Variants in EFHD2 observed in about 807,000 individuals in gnomAD.
EFHD2 encodes the protein EF-hand domain-containing protein D2.
A neutral mutation model predicts 20.3 loss-of-function variants in EFHD2; 12 were observed. The ratio of observed to expected loss-of-function variants is 0.59; its 90% CI spans 0.38 to 0.96. The LOEUF is 0.96. EFHD2 is among the 40% of genes least tolerant of loss of function. The pLI, the probability that EFHD2 is intolerant of heterozygous loss-of-function variation, is 0.00. For synonymous variants in EFHD2, 131 were observed against 143.9 expected (o/e 0.91, Z 0.64); for missense variants, 250 against 334.3 (o/e 0.75, Z 1.97).
chr1:15,418,413 C>G (rs1160857332), intron 1 of EFHD2, among the ~76,000 whole-genome samples: 4 of 149,414 alleles, frequency 2.7e-5, no homozygotes, highest in Non-Finnish European at 5.9e-5. Flanking sequence ...TCACGCCATT[C>G]TCCTGCCTCA....
intron 1 of EFHD2, among the ~76,000 whole-genome samples, chr1:15,417,981 C>CTTT (rs57589251): frequency 2.8e-4 from 27 of 97,086 alleles, no homozygotes; most frequent in Non-Finnish European, 4.5e-4. Flanking sequence ...CTTTCTTTTT[C>CTTT]TTTTTTTTTT....
At chr1:15,417,754 G>T (rs1034078569) in intron 1 of EFHD2, among the ~76,000 whole-genome samples, 1 of 152,184 alleles carries the variant, frequency 6.6e-6, no homozygotes, top group Non-Finnish European at 1.5e-5. Context: ...GGGCTCCTGA[G>T]CCCATACCCA....
chr1:15,421,451 T>C (rs1273650010), intron 1 of EFHD2, among the ~76,000 whole-genome samples: 1 of 152,164 alleles, frequency 6.6e-6, no homozygotes, highest in East Asian at 1.9e-4. Context: ...GATGGACTCT[T>C]TGGCACCGCA....
intron 3 of EFHD2, 92 bp downstream of exon 3, chr1:15,427,376 T>C (rs1707890431): frequency 6.7e-7 from 1 of 1,502,206 alleles, no homozygotes; most frequent in East Asian, 2.5e-5. Flanking sequence ...CCGTCCCTGC[T>C]GAGGCTGCAG....
chr1:15,418,318 T>C (rs1707717817), intron 1 of EFHD2, among the ~76,000 whole-genome samples: 1 of 127,162 alleles, frequency 7.9e-6, no homozygotes, highest in Admixed American at 7.9e-5. Context: ...TTTTTTTTTT[T>C]TTTTTGAGAT....
In EFHD2 at chr1:15,428,855, G is replaced by A; in HGVS notation, c.*131G>A. The A allele has an allele frequency of 1.4e-6, 2 of 1,388,080 alleles. No homozygotes were observed. The highest frequency in any genetic ancestry group is 2.6e-4 in the Middle Eastern group (1 of 3,870). 86.0% of individuals were successfully genotyped at this position (1,388,080 alleles called of 1,614,324 possible). On this transcript the variant is annotated 3_prime_UTR_variant, in exon 4 of 4. Transcript: ENST00000375980. ...TAAAAACCTAAAAATATCTGTGAAT[G>A]GAGCAAGTTCAGGGGTCTTATGGAG...
At chr1:15,427,565 G>A (rs992117203) in intron 3 of EFHD2, among the ~76,000 whole-genome samples, 9 of 152,230 alleles carry the variant, frequency 5.9e-5, no homozygotes, top group African/African-American at 2.2e-4. Flanking sequence ...ACACAGAGCT[G>A]CTAACACAGA....
chr1:15,417,884 C>A (rs77163472), intron 1 of EFHD2, among the ~76,000 whole-genome samples: 4,259 of 152,102 alleles, frequency 0.028, 176 homozygotes, highest in African/African-American at 0.092. Context: ...CCCACCTTCC[C>A]GTGTGCAGTT....
intron 1 of EFHD2, among the ~76,000 whole-genome samples, chr1:15,420,204 T>C (rs537141554): frequency 1.3e-5 from 2 of 152,224 alleles, no homozygotes; most frequent in Non-Finnish European, 2.9e-5. Flanking sequence ...ATATGTGAAG[T>C]ATATGATGTG....
intron 3 of EFHD2, 40 bp downstream of exon 3, chr1:15,427,324 CA>C (rs1707889546): frequency 1.3e-6 from 2 of 1,581,254 alleles, no homozygotes; most frequent in South Asian, 2.3e-5. Context: ...CGCTCCAGGA[CA>C]AGGGGACCCT....
At chr1:15,415,203 C>T (rs1466796827) in intron 1 of EFHD2, among the ~76,000 whole-genome samples, 3 of 152,112 alleles carry the variant, frequency 2.0e-5, no homozygotes, top group Admixed American at 6.5e-5. Flanking sequence ...AGGCTTATAG[C>T]CTTATATAGA....
intron 1 of EFHD2, among the ~76,000 whole-genome samples, chr1:15,411,082 G>A (rs1044022078): frequency 1.8e-4 from 28 of 151,838 alleles, no homozygotes; most frequent in Admixed American, 9.8e-4. Context: ...AGTCCCCTCC[G>A]GGTTTGGAAG....
chr1:15,419,968 G>C (rs1707760369), intron 1 of EFHD2, among the ~76,000 whole-genome samples: 1 of 152,158 alleles, frequency 6.6e-6, no homozygotes, highest in African/African-American at 2.4e-5. Context: ...CTACCTCCCA[G>C]AGATGCTGGG....
intron 1 of EFHD2, among the ~76,000 whole-genome samples, chr1:15,417,941 C>T (rs898605482): frequency 1.3e-5 from 2 of 150,282 alleles, no homozygotes; most frequent in East Asian, 2.0e-4. Context: ...TGCAGTGCAG[C>T]TTGGGGGCAC....
At chr1:15,422,722 G>A (rs568645113) in intron 1 of EFHD2, among the ~76,000 whole-genome samples, 69 of 152,168 alleles carry the variant, frequency 4.5e-4, no homozygotes, top group African/African-American at 1.6e-3. Flanking sequence ...TTAGCCGAGC[G>A]TGGTGGCGGG....
rs958473695 is a variant in EFHD2 at position 15,413,796 on chromosome 1, G to A, written c.308+3517G>A. Among the ~76,000 whole-genome samples, 1 of 152,172 alleles carries A rather than the reference G, an allele frequency of 6.6e-6. No homozygotes were observed. Among genetic ancestry groups the A allele is most frequent in the Non-Finnish European group, 1.5e-5 (1 of 68,020 alleles). ...TCCCGGTGTCTCAGGGTGGGGCTCC[G>A]AGGACATGACACACTTAGAGTTCTG... On this transcript the variant is annotated intron_variant, in intron 1 of 3. Transcript: ENST00000375980. The surrounding 1 kb of genome is among the most constrained non-coding windows in gnomAD (Gnocchi z 4.4).
intron 1 of EFHD2, among the ~76,000 whole-genome samples, chr1:15,419,057 G>A (rs1707741772): frequency 6.6e-6 from 1 of 152,258 alleles, no homozygotes; most frequent in African/African-American, 2.4e-5. Context: ...TCACCTGGGT[G>A]CAAGGCTGGG....
chr1:15,424,819 C>T (rs1195845454), intron 1 of EFHD2, among the ~76,000 whole-genome samples: 2 of 152,182 alleles, frequency 1.3e-5, no homozygotes, highest in African/African-American at 4.8e-5. Context: ...GAAATAGACC[C>T]CCCAGTACAG....
chr1:15,417,383 G>A (rs1285478668), intron 1 of EFHD2, among the ~76,000 whole-genome samples: 1 of 152,228 alleles, frequency 6.6e-6, no homozygotes, highest in Non-Finnish European at 1.5e-5. Flanking sequence ...ACTATGAAGA[G>A]CAAGAAGCGA....
Sources: gnomAD v4.1 joint callset for allele counts (sites outside exome capture counted in the v4.1 genomes callset) on GRCh38, gnomAD v4.1.1 for gene constraint, Gnocchi (gnomAD v3.1) non-coding constraint, MANE v1.5 for transcripts, NCBI Gene and HGNC (gene_info 2026-07-23, HGNC 2026-07-21) for gene names.